Variants in EPHX2 observed in about 807,000 individuals in gnomAD.
EPHX2 encodes the protein epoxide hydrolase 2.
A neutral mutation model predicts 78.7 loss-of-function variants in EPHX2; 74 were observed. The observed-to-expected ratio is 0.94, with a 90% CI of 0.78 to 1.14. EPHX2 has a LOEUF of 1.14. Among genes scored for constraint, EPHX2 ranks in the 50% most tolerant of loss-of-function variants. EPHX2 has a pLI of 0.00. For synonymous variants in EPHX2, 251 were observed against 255.2 expected, an observed-to-expected ratio of 0.98 and a Z score of 0.16; for missense variants, 715 against 702.5, an observed-to-expected ratio of 1.02 and a Z score of -0.20.
intron 1 of EPHX2, among the ~76,000 whole-genome samples, chr8:27,494,815 G>A (rs186066899): frequency 2.9e-3 from 449 of 152,356 alleles, no homozygotes; most frequent in South Asian, 0.016. Flanking sequence ...TTTTCCACTG[G>A]CTGGCTTCGG....
At chr8:27,540,487 G>A in intron 14 of EPHX2, 67 bp from the exon 15 acceptor site, 1 of 1,407,470 alleles carries the variant, frequency 7.1e-7, no homozygotes, top group Non-Finnish European at 1.0e-6. Context: ...AGGCAATGAG[G>A]TCCCCACCTT....
At chr8:27,545,816 A>G (rs922095526), downstream of EPHX2, among the ~76,000 whole-genome samples, 2 of 152,142 alleles carry the variant, frequency 1.3e-5, no homozygotes, top group Admixed American at 6.5e-5. Flanking sequence ...CCAGGTCACA[A>G]GAGCCTGAGT....
chr8:27,516,603 TA>T (rs1814464440), intron 8 of EPHX2, among the ~76,000 whole-genome samples: 1 of 152,162 alleles, frequency 6.6e-6, no homozygotes. Context: ...TCTGAATGAA[TA>T]CAGCAGCCCC....
At position 27,533,603 on chromosome 8, in the gene EPHX2, TA is replaced by T. The variant is rs144915518; in HGVS notation, c.1171-3179del. On this transcript the variant is annotated intron_variant, in intron 12 of 18. Coordinates refer to ENST00000521400, the MANE Select transcript of EPHX2 (RefSeq NM_001979.6). ...TACCTTTTTTCTCTCTGATTTTTTT[TA>T]AGAGACAGGGTCTCACTCTGTTGCC... Among the ~76,000 whole-genome samples, 156 of 152,320 alleles carry T rather than the reference TA, an allele frequency of 1.0e-3. No homozygotes were observed. In the East Asian group the frequency reaches 0.027, roughly 26 times the overall value.
At chr8:27,520,415 C>T (rs977940525) in intron 9 of EPHX2, among the ~76,000 whole-genome samples, 1 of 151,832 alleles carries the variant, frequency 6.6e-6, no homozygotes, top group Admixed American at 6.6e-5. Flanking sequence ...GGCATGATCT[C>T]GGCTCACTGC....
Position 27,544,449 on chromosome 8 carries a change from C to A in EPHX2, c.1595C>A (p.Thr532Asn). The stretch of plus-strand genomic sequence containing the variant: ...TACTTCTCCCTTTCCCCCAGGCCAA[C>A]CGAGGTGAATCAGATCCTCATTAAG... ...CGHWTQMDKP[T>N]EVNQILIKWL... The change falls in exon 19 of 19, where the codon ACC (threonine) becomes AAC (asparagine). Residue 532 changes from threonine to asparagine, a missense_variant. Coordinates refer to ENST00000521400, the MANE Select transcript of EPHX2 (RefSeq NM_001979.6). 1 of 1,614,122 alleles carries A rather than the reference C, an allele frequency of 6.2e-7. No individual in the cohort carries two copies. Among genetic ancestry groups the A allele is most frequent in the African/African-American group, 1.3e-5 (1 of 75,044 alleles).
At chr8:27,534,169 C>T (rs1171853788) in intron 12 of EPHX2, among the ~76,000 whole-genome samples, 1 of 152,170 alleles carries the variant, frequency 6.6e-6, no homozygotes, top group Non-Finnish European at 1.5e-5. Flanking sequence ...TGCGGAAGGC[C>T]GCCATTGGCA....
chr8:27,500,849 A>G (rs1227656143), intron 1 of EPHX2, 77 bp from the exon 2 acceptor site: 1 of 1,317,648 alleles, frequency 7.6e-7, no homozygotes, highest in Admixed American at 1.8e-5. Flanking sequence ...TTCTCAATGA[A>G]TATGAACAGT....
chr8:27,494,089 A>G (rs1367746673), intron 1 of EPHX2, among the ~76,000 whole-genome samples: 1 of 151,990 alleles, frequency 6.6e-6, no homozygotes, highest in Non-Finnish European at 1.5e-5. Context: ...GGAGGTGATG[A>G]TTTTGGGGGG....
At chr8:27,546,074 T>C (rs973903731), downstream of EPHX2, among the ~76,000 whole-genome samples, 7 of 149,694 alleles carry the variant, frequency 4.7e-5, no homozygotes, top group Admixed American at 1.3e-4. Flanking sequence ...TACAAAAAAA[T>C]GTTCTCGTCG....
At chr8:27,516,458 T>A (rs1331975788) in intron 8 of EPHX2, 60 bp downstream of exon 8, 1 of 1,502,010 alleles carries the variant, frequency 6.7e-7, no homozygotes, top group Non-Finnish European at 9.3e-7. Flanking sequence ...GCCTGAGCGC[T>A]CCACGCCTCG....
chr8:27,505,013 G>A lies in EPHX2; in HGVS notation c.404G>A (p.Gly135Asp). Reference sequence around the variant, plus strand: ...CTGGACGACCGTGCTGAGAGAGATGGCCTGGCCCAGCTGATGTGTGAGCTG... The same window carrying A: ...CTGGACGACCGTGCTGAGAGAGATGACCTGGCCCAGCTGATGTGTGAGCTG... ...TWLDDRAERD[G>D]LAQLMCELKM... is the part of the protein sequence containing the mutation. Residue 135 changes from glycine to aspartate, a missense_variant, in exon 4 of 19, where the codon GGC (glycine) becomes GAC (aspartate). Transcript: ENST00000521400. The A allele has an allele frequency of 6.2e-7, 1 of 1,614,096 alleles. No individual in the cohort carries two copies. The highest frequency in any genetic ancestry group is 1.7e-5 in the Admixed American group (1 of 60,018).
chr8:27,526,641 C>T (rs893723305), intron 12 of EPHX2, among the ~76,000 whole-genome samples: 15 of 152,184 alleles, frequency 9.9e-5, no homozygotes, highest in Non-Finnish European at 2.1e-4. Context: ...GTTTTAGAAG[C>T]TGGAAGTTCA....
chr8:27,536,379 G>A (rs555375700), intron 12 of EPHX2, among the ~76,000 whole-genome samples: 2 of 152,216 alleles, frequency 1.3e-5, no homozygotes, highest in South Asian at 2.1e-4. Context: ...AGAGCATTTG[G>A]TATATAGTTT....
At chr8:27,547,282 C>T (rs1815590956), downstream of EPHX2, among the ~76,000 whole-genome samples, 1 of 152,176 alleles carries the variant, frequency 6.6e-6, no homozygotes, top group South Asian at 2.1e-4. Flanking sequence ...CTTTGAGGAC[C>T]TTTGGGCCAC....
intron 1 of EPHX2, among the ~76,000 whole-genome samples, chr8:27,499,008 G>GC (rs1269669784): frequency 6.6e-6 from 1 of 152,176 alleles, no homozygotes; most frequent in Non-Finnish European, 1.5e-5. Flanking sequence ...TCTGGTGAGG[G>GC]CATTTTTGCT....
Position 27,518,032 on chromosome 8 carries a change from T to A in EPHX2, c.911-6T>A. 1 of 1,586,322 alleles carries A rather than the reference T, an allele frequency of 6.3e-7. No individual in the cohort carries two copies. Among genetic ancestry groups the A allele is most frequent in the East Asian group, 2.2e-5 (1 of 44,652 alleles). ...TTAAATATGTTTCTTTTATTTTTAATTGCAGAAATAGAAGAATATTGCATG... is the reference window on the plus strand; with the variant it reads ...TTAAATATGTTTCTTTTATTTTTAAATGCAGAAATAGAAGAATATTGCATG... On this transcript the variant is annotated splice_region_variant and splice_polypyrimidine_tract_variant and intron_variant, in intron 8 of 18. Transcript: ENST00000521400.
intron 2 of EPHX2, among the ~76,000 whole-genome samples, chr8:27,502,722 G>A (rs904538440): frequency 6.6e-6 from 1 of 152,192 alleles, no homozygotes; most frequent in Admixed American, 6.5e-5. Context: ...GGTCATCCCT[G>A]TGTGTGTCTA....
chr8:27,500,909 T>G lies in EPHX2; in HGVS notation c.102-17T>G, dbSNP rs374549372. 2.2e-5 allele frequency: 35 copies of G among 1,608,020 alleles called. No individual in the cohort carries two copies. In the Admixed American group the frequency reaches 2.5e-4, roughly 12 times the overall value. On this transcript the variant is annotated splice_polypyrimidine_tract_variant and intron_variant, in intron 1 of 18. Transcript: ENST00000521400. ...CAAAATCCACAGAATGTTCCTGATG[T>G]TCTTTGTGTTTTCCAGAGGACTTCT...
Sources: allele counts gnomAD v4.1 joint callset (sites outside exome capture counted in the v4.1 genomes callset), GRCh38; gene constraint gnomAD v4.1.1; transcripts MANE v1.5; gene names NCBI Gene and HGNC (gene_info 2026-07-23, HGNC 2026-07-21).